Variants in LRRIQ3 observed in about 807,000 individuals in gnomAD.
The protein encoded by LRRIQ3 is leucine-rich repeat and IQ domain-containing protein 3.
A neutral mutation model predicts 59.3 loss-of-function variants in LRRIQ3; 75 were observed. The observed-to-expected ratio is 1.26, with a 90% confidence interval of 1.05 to 1.53. The LOEUF (loss-of-function observed/expected upper bound fraction) is 1.53, where lower values mean the gene tolerates loss of function less well. LRRIQ3 is among the 40% of genes most tolerant of loss of function. The probability of loss-of-function intolerance (pLI) is 0.00; values close to 1 mark genes in which losing one functional copy is unlikely to be tolerated. For synonymous variants in LRRIQ3, 250 were observed against 231.3 expected (o/e 1.08, Z -0.73); for missense variants, 831 against 710.0 (o/e 1.17, Z -1.94).
intron 4 of LRRIQ3, among the ~76,000 whole-genome samples, chr1:74,126,567 T>C (rs894214574): frequency 1.3e-5 from 2 of 151,924 alleles, no homozygotes; most frequent in African/African-American, 4.8e-5. Context: ...ATCATTCGTT[T>C]AAAGAAATTT....
At position 74,107,248 on chromosome 1, in the gene LRRIQ3, C is replaced by G. The variant is rs145700801; in HGVS notation, c.867+2146G>C. 4.2e-3 allele frequency among the ~76,000 whole-genome samples: 634 copies of G among 152,110 alleles called. 2 individuals carry two copies. The highest frequency in any genetic ancestry group is 5.9e-3 in the Non-Finnish European group (401 of 67,968). On this transcript the variant is annotated intron_variant, in intron 5 of 7. Coordinates refer to ENST00000354431, the MANE Select transcript of LRRIQ3 (RefSeq NM_001105659.2). Reference sequence around the variant, plus strand: ...AGATACTGATTACTTCATCTAATTACTGAACCTTGAATTCTATTCTTGGCT... The same window carrying G: ...AGATACTGATTACTTCATCTAATTAGTGAACCTTGAATTCTATTCTTGGCT...
intron 7 of LRRIQ3, among the ~76,000 whole-genome samples, chr1:74,029,960 T>G (rs552276112): frequency 2.6e-5 from 4 of 152,154 alleles, no homozygotes; most frequent in African/African-American, 9.6e-5. Flanking sequence ...TATCCATTTC[T>G]TCTAGATTTT....
At chr1:74,153,993 G>C (rs541673729) in intron 4 of LRRIQ3, among the ~76,000 whole-genome samples, 4 of 151,950 alleles carry the variant, frequency 2.6e-5, no homozygotes, top group Admixed American at 6.6e-5. Context: ...TGTAATCCCA[G>C]CACTTTGGGG....
intron 1 of LRRIQ3, among the ~76,000 whole-genome samples, chr1:74,190,710 T>C (rs559872539): frequency 4.6e-5 from 7 of 151,472 alleles, no homozygotes; most frequent in Admixed American, 1.3e-4. Context: ...ACCTCACACC[T>C]AGATAATTAA....
At position 74,183,570 on chromosome 1, in the gene LRRIQ3, G is replaced by C; in HGVS notation, c.115C>G (p.His39Asp). 6.2e-7 allele frequency: 1 copy of C among 1,612,008 alleles called. No individual in the cohort carries two copies. The highest frequency in any genetic ancestry group is 8.5e-7 in the Non-Finnish European group (1 of 1,178,746). The change falls in exon 2 of 8, where the codon CAT becomes GAT. Residue 39 changes from histidine to aspartate, a missense_variant. Physicochemically the swap from His to Asp is moderately conservative, Grantham distance 81. Coordinates refer to ENST00000354431, the MANE Select transcript of LRRIQ3 (RefSeq NM_001105659.2). The stretch of plus-strand genomic sequence containing the variant: ...TGCAAATTTTCCATAGACTTTAAAT[G>C]AAGGCCATTGAACTTCACAAAAACA... ...DFVFVKFNGL[H>D]LKSMENLQSC...
At chr1:74,138,187 G>A (rs1202532298) in intron 4 of LRRIQ3, among the ~76,000 whole-genome samples, 1 of 150,294 alleles carries the variant, frequency 6.7e-6, no homozygotes, top group African/African-American at 2.4e-5. Flanking sequence ...AAAAAAACAA[G>A]GCCCTGACTT....
intron 4 of LRRIQ3, among the ~76,000 whole-genome samples, chr1:74,141,290 T>G (rs1322418607): frequency 6.6e-6 from 1 of 151,884 alleles, no homozygotes; most frequent in Non-Finnish European, 1.5e-5. Flanking sequence ...ATACTTCAGT[T>G]TCTTAATAGT....
Position 74,169,724 on chromosome 1 carries a change from A to AT in LRRIQ3, c.573+12813dup, listed in dbSNP as rs530008670. 1.2e-3 allele frequency among the ~76,000 whole-genome samples: 175 copies of AT among 152,020 alleles called. 2 individuals carry two copies. The highest frequency in any genetic ancestry group is 3.1e-3 in the African/African-American group (130 of 41,476). ...ACGCCACACCTGGTTAATTTCTTAAATTTTTTGTAGAGACAGGGTCTTGTT... is the reference window on the plus strand; with the variant it reads ...ACGCCACACCTGGTTAATTTCTTAAATTTTTTTGTAGAGACAGGGTCTTGTT... On this transcript the variant is annotated intron_variant, in intron 3 of 7. Transcript: ENST00000354431.
intron 3 of LRRIQ3, among the ~76,000 whole-genome samples, chr1:74,164,157 T>C: frequency 6.6e-6 from 1 of 151,182 alleles, no homozygotes; most frequent in East Asian, 1.9e-4. Flanking sequence ...TTGAGAGTTG[T>C]ATACATTTTC....
chr1:74,170,522 A>G (rs1026193375), intron 3 of LRRIQ3, among the ~76,000 whole-genome samples: 6 of 152,096 alleles, frequency 3.9e-5, no homozygotes, highest in African/African-American at 7.2e-5. Flanking sequence ...CTATTGTTCT[A>G]TATGTCTACT....
intron 6 of LRRIQ3, among the ~76,000 whole-genome samples, chr1:74,045,782 TG>T (rs1654184050): frequency 6.6e-6 from 1 of 152,154 alleles, no homozygotes; most frequent in African/African-American, 2.4e-5. Flanking sequence ...ACAAAATCAA[TG>T]TGCAAAATAC....
chr1:74,138,466 G>A (rs1272265163), intron 4 of LRRIQ3: 1 of 984,144 alleles, frequency 1.0e-6, no homozygotes, highest in African/African-American at 1.7e-5. Context: ...CATGGGCAGG[G>A]TCTGACCCAG....
intron 7 of LRRIQ3, among the ~76,000 whole-genome samples, chr1:74,030,799 G>C (rs186903787): frequency 1.7e-3 from 253 of 152,252 alleles, no homozygotes; most frequent in African/African-American, 6.0e-3. Flanking sequence ...CACAGCAAAA[G>C]AAACTACCAT....
chr1:74,083,656 T>C (rs1273854845), intron 5 of LRRIQ3: 1 of 151,752 alleles, frequency 6.6e-6, no homozygotes, highest in Non-Finnish European at 1.5e-5. Context: ...TAAATAAGTT[T>C]TGAGAAAATT....
At chr1:74,182,074 T>C (rs1038317487) in intron 3 of LRRIQ3, 2 of 151,966 alleles carry the variant, frequency 1.3e-5, no homozygotes, top group African/African-American at 4.8e-5. Flanking sequence ...GTTAACTTGG[T>C]ATCAACTTTT....
At chr1:74,041,170 G>A (rs952687902) in intron 7 of LRRIQ3, 43 bp downstream of exon 7, 1 of 1,415,306 alleles carries the variant, frequency 7.1e-7, no homozygotes, top group Admixed American at 2.2e-5. Flanking sequence ...ATATTCACAT[G>A]TAATTGACTT....
At chr1:74,060,161 C>T (rs1654658998) in intron 6 of LRRIQ3, among the ~76,000 whole-genome samples, 1 of 151,820 alleles carries the variant, frequency 6.6e-6, no homozygotes, top group South Asian at 2.1e-4. Flanking sequence ...TCGCCTTCTT[C>T]TTCGTCGTCA....
chr1:74,096,823 T>C (rs1646455223), intron 5 of LRRIQ3, among the ~76,000 whole-genome samples: 2 of 152,142 alleles, frequency 1.3e-5, no homozygotes, highest in Non-Finnish European at 2.9e-5. Flanking sequence ...CTCCAGACCC[T>C]ATTTGCCTGG....
chr1:74,183,264 A>G (rs1557658809), intron 2 of LRRIQ3, 172 bp downstream of exon 2: 1 of 478,854 alleles, frequency 2.1e-6, no homozygotes. Flanking sequence ...CATTTACATC[A>G]AAGTGTCCGT....
Sources: allele counts gnomAD v4.1 joint callset (sites outside exome capture counted in the v4.1 genomes callset), GRCh38; gene constraint gnomAD v4.1.1; transcripts MANE v1.5; gene names NCBI Gene and HGNC (gene_info 2026-07-23, HGNC 2026-07-21).